The following RGS6 variants were observed in gnomAD, a reference collection of about 807,000 sequenced individuals.
RGS6 encodes the protein regulator of G protein signaling 6, also known as regulator of G-protein signaling 6.
RGS6 carries 30 observed loss-of-function variants against 78.5 expected under a neutral mutation model. That is an observed-to-expected ratio of 0.38 (90% CI 0.29 to 0.52). The LOEUF is 0.52. Ranked by LOEUF, RGS6 falls within the 20% of genes least tolerant of loss-of-function variation. The pLI is 0.85. For synonymous variants in RGS6, 206 were observed against 206.0 expected (o/e 1.00, Z 0.00); for missense variants, 495 against 609.7 (o/e 0.81, Z 1.98).
intron 2 of RGS6, among the ~76,000 whole-genome samples, chr14:72,213,871 T>G (rs1410940773): frequency 1.3e-5 from 2 of 152,184 alleles, no homozygotes; most frequent in Non-Finnish European, 2.9e-5. Flanking sequence ...AGGTTTGTTT[T>G]TATTTGACAC....
At chr14:72,580,713 G>A in the RGS6 span, among the ~76,000 whole-genome samples, 1 of 152,236 alleles carries the variant, frequency 6.6e-6, no homozygotes, top group African/African-American at 2.4e-5. Flanking sequence ...AGCAGAGCCT[G>A]TGTTGGTGTA....
chr14:72,030,639 A>G (rs988810013), intron 2 of RGS6, among the ~76,000 whole-genome samples: 2 of 151,432 alleles, frequency 1.3e-5, no homozygotes, highest in Non-Finnish European at 2.9e-5. Flanking sequence ...CCTTTCAGCC[A>G]TGATGTGAAT....
chr14:71,969,045 A>G (rs1047266529), intron 2 of RGS6, among the ~76,000 whole-genome samples: 5 of 152,034 alleles, frequency 3.3e-5, no homozygotes. Flanking sequence ...TCATTGTTCA[A>G]TTCCCACCTG....
At chr14:72,412,958 T>C (rs1566778260) in intron 3 of RGS6, among the ~76,000 whole-genome samples, 2 of 152,214 alleles carry the variant, frequency 1.3e-5, no homozygotes, top group Non-Finnish European at 2.9e-5. Flanking sequence ...TCTATTCTTT[T>C]ACATTTGCTG....
intron 2 of RGS6, among the ~76,000 whole-genome samples, chr14:72,077,292 A>G (rs1426427133): frequency 6.6e-6 from 1 of 152,098 alleles, no homozygotes; most frequent in Non-Finnish European, 1.5e-5. Flanking sequence ...GGGGTTTCCT[A>G]CTGATTTGTA....
chr14:72,466,326 G>GTTTCTTATAAAGT (rs1180059683), intron 7 of RGS6, among the ~76,000 whole-genome samples: 22 of 152,324 alleles, frequency 1.4e-4, no homozygotes, highest in African/African-American at 5.3e-4. Context: ...TAGCTTGGCA[G>GTTTCTTATAAAGT]TTTCTTATAA....
chr14:72,171,482 C>T (rs1055117747), intron 2 of RGS6, among the ~76,000 whole-genome samples: 16 of 152,184 alleles, frequency 1.1e-4, no homozygotes, highest in African/African-American at 2.9e-4. Flanking sequence ...GCCCTCAAGG[C>T]GTTGAAAACA....
At chr14:72,511,333 A>G (rs985264903) in intron 14 of RGS6, among the ~76,000 whole-genome samples, 1 of 152,240 alleles carries the variant, frequency 6.6e-6, no homozygotes, top group African/African-American at 2.4e-5. Context: ...TCCAAAGTTA[A>G]TGTGCAACAT....
intron 2 of RGS6, among the ~76,000 whole-genome samples, chr14:72,096,395 G>C (rs1326762594): frequency 1.3e-5 from 2 of 152,176 alleles, no homozygotes; most frequent in Admixed American, 1.3e-4. Context: ...AGGTGATCAT[G>C]GGGAACAGGA....
At chr14:72,516,662 C>A (rs1464526820) in intron 14 of RGS6, among the ~76,000 whole-genome samples, 1 of 152,216 alleles carries the variant, frequency 6.6e-6, no homozygotes, top group Admixed American at 6.5e-5. Flanking sequence ...ACACTGACCC[C>A]TCCTCAGCTC....
At chr14:71,887,092 G>C in the RGS6 span, among the ~76,000 whole-genome samples, 287 of 152,328 alleles carry the variant, frequency 1.9e-3, 2 homozygotes, top group African/African-American at 6.4e-3. Flanking sequence ...GGAGGGACCA[G>C]CTGGAGCTGC....
At chr14:72,051,421 C>G (rs535643696) in intron 2 of RGS6, among the ~76,000 whole-genome samples, 1 of 150,404 alleles carries the variant, frequency 6.6e-6, no homozygotes, top group East Asian at 2.0e-4. Flanking sequence ...AAATTAGCGC[C>G]GAAATTGGTA....
At chr14:71,969,147 C>T (rs2093674210) in intron 2 of RGS6, among the ~76,000 whole-genome samples, 1 of 152,206 alleles carries the variant, frequency 6.6e-6, no homozygotes, top group Admixed American at 6.5e-5. Flanking sequence ...CTACAAAGGA[C>T]ACGAACTCAT....
Position 71,974,844 on chromosome 14 carries a change from G to C in RGS6, c.84+9969G>C, listed in dbSNP as rs527491527. 7.7e-4 allele frequency among the ~76,000 whole-genome samples: 117 copies of C among 152,188 alleles called. 1 individual carries two copies. Among genetic ancestry groups the C allele is most frequent in the African/African-American group, 2.7e-3 (114 of 41,518 alleles). On this transcript the variant is annotated intron_variant, in intron 2 of 17. Coordinates refer to ENST00000553525, the MANE Select transcript of RGS6 (RefSeq NM_001204424.2). The stretch of plus-strand genomic sequence containing the variant: ...AGATAAATTCTCTCAGTTCTTGTTT[G>C]TCTAAAATATCTTTGGGCCAGGCAC...
intron 3 of RGS6, among the ~76,000 whole-genome samples, chr14:72,454,188 A>G (rs2095570333): frequency 6.6e-6 from 1 of 152,202 alleles, no homozygotes. Context: ...TAGGGAGCTG[A>G]TGAGGCCTCC....
intron 2 of RGS6, among the ~76,000 whole-genome samples, chr14:72,185,251 C>G (rs2097223592): frequency 6.6e-6 from 1 of 152,060 alleles, no homozygotes; most frequent in Non-Finnish European, 1.5e-5. Flanking sequence ...TCTGCCTCTC[C>G]CAGTCCACTG....
chr14:72,046,264 A>G (rs1189899523), intron 2 of RGS6, among the ~76,000 whole-genome samples: 1 of 138,178 alleles, frequency 7.2e-6, no homozygotes, highest in Non-Finnish European at 1.6e-5. Flanking sequence ...TCTGTTTTGG[A>G]CTTTTTAGCA....
chr14:72,554,560 G>A (rs1485932524), intron 17 of RGS6, among the ~76,000 whole-genome samples: 1 of 152,162 alleles, frequency 6.6e-6, no homozygotes, highest in Non-Finnish European at 1.5e-5. Context: ...TTAGATGCCA[G>A]AGTCCATTTG....
At chr14:72,364,721 A>G (rs1437146075) in intron 3 of RGS6, among the ~76,000 whole-genome samples, 1 of 152,206 alleles carries the variant, frequency 6.6e-6, no homozygotes, top group Non-Finnish European at 1.5e-5. Flanking sequence ...CCATACCTAC[A>G]TGTGACTTTG....
Sources: allele counts gnomAD v4.1 joint callset (sites outside exome capture counted in the v4.1 genomes callset), GRCh38; gene constraint gnomAD v4.1.1; transcripts MANE v1.5; gene names NCBI Gene and HGNC (gene_info 2026-07-23, HGNC 2026-07-21).